NRCAM: variants seen among roughly 807,000 people sequenced by gnomAD.
NRCAM encodes the protein NgCAM-related cell adhesion molecule.
A neutral mutation model predicts 156.5 loss-of-function variants in NRCAM; 83 were observed. The ratio of observed to expected loss-of-function variants is 0.53; its 90% CI spans 0.44 to 0.64. NRCAM has a LOEUF of 0.64. Among genes scored for constraint, NRCAM ranks in the 30% least tolerant of loss-of-function variants. The probability of loss-of-function intolerance (pLI) is 0.00; values close to 1 mark genes in which losing one functional copy is unlikely to be tolerated. For missense variants in NRCAM, 1,417 were observed against 1,597.3 expected (o/e 0.89, Z 1.92); for synonymous variants, 538 against 563.9 (o/e 0.95, Z 0.65).
chr7:108,164,773 G>T (rs1437142343), intron 30 of NRCAM, among the ~76,000 whole-genome samples: 1 of 152,172 alleles, frequency 6.6e-6, no homozygotes, highest in Non-Finnish European at 1.5e-5. Context: ...ATCAATATTT[G>T]TTCTTTTTAA....
intron 1 of NRCAM, among the ~76,000 whole-genome samples, chr7:108,436,910 G>T (rs1276414586): frequency 6.6e-6 from 1 of 152,166 alleles, no homozygotes; most frequent in Non-Finnish European, 1.5e-5. Context: ...CAATCCCACT[G>T]CTGGGTATAT....
chr7:108,252,140 T>G (rs952222033), intron 3 of NRCAM, among the ~76,000 whole-genome samples: 1 of 152,178 alleles, frequency 6.6e-6, no homozygotes, highest in Non-Finnish European at 1.5e-5. Context: ...TAGAGCTGGA[T>G]AGAATAACTG....
At chr7:108,402,003 C>T (rs1036378730) in intron 1 of NRCAM, among the ~76,000 whole-genome samples, 3 of 152,206 alleles carry the variant, frequency 2.0e-5, no homozygotes, top group Non-Finnish European at 2.9e-5. Context: ...TATTCTTACA[C>T]ACACACTTCC....
intron 1 of NRCAM, among the ~76,000 whole-genome samples, chr7:108,407,696 A>G (rs2099810951): frequency 6.6e-6 from 1 of 152,208 alleles, no homozygotes; most frequent in African/African-American, 2.4e-5. Context: ...TTGAGGCTGT[A>G]TTGCAGTAGT....
At chr7:108,299,103 C>CAAAAAA (rs1563162587) in intron 3 of NRCAM, among the ~76,000 whole-genome samples, 1 of 6,058 alleles carries the variant, frequency 1.7e-4, no homozygotes, top group Non-Finnish European at 4.3e-4. Flanking sequence ...AAGACTCCAT[C>CAAAAAA]TCAAAAAAAA....
At position 108,195,766 on chromosome 7, in the gene NRCAM, G is replaced by A. The variant is rs747391115; in HGVS notation, c.1458C>T (p.Ile486=). 6.4e-6 allele frequency: 10 copies of A among 1,568,990 alleles called. No homozygotes were observed. In the East Asian group the frequency reaches 1.8e-4, roughly 28 times the overall value. ...CACACAGAGCTGCTACTTACCACTC[G>A]ATGGTTGGGAGAGGAGACCCAAAGA... ...CAFFGSPLPT[I]EWFKGAKGSA... Residue 486 remains isoleucine (I), a synonymous_variant, in exon 15 of 33, where the codon ATC becomes ATT. Transcript: ENST00000379028.
chr7:108,173,767 T>C (rs2059431566), intron 28 of NRCAM, among the ~76,000 whole-genome samples: 1 of 152,204 alleles, frequency 6.6e-6, no homozygotes, highest in Non-Finnish European at 1.5e-5. Flanking sequence ...TTTGCTTGTC[T>C]CTCTAATCAT....
intron 20 of NRCAM, among the ~76,000 whole-genome samples, chr7:108,185,772 A>G (rs1475978400): frequency 1.3e-5 from 2 of 151,244 alleles, no homozygotes; most frequent in Non-Finnish European, 2.9e-5. Flanking sequence ...TTCCATACGT[A>G]CTGAAATGGA....
At chr7:108,338,182 T>C (rs916385333) in intron 2 of NRCAM, among the ~76,000 whole-genome samples, 4 of 152,264 alleles carry the variant, frequency 2.6e-5, no homozygotes, top group Non-Finnish European at 5.9e-5. Context: ...CAGAAGTCTC[T>C]ACTCAACAGT....
At chr7:108,334,426 C>T (rs1009912023) in intron 2 of NRCAM, among the ~76,000 whole-genome samples, 18 of 152,312 alleles carry the variant, frequency 1.2e-4, no homozygotes, top group African/African-American at 1.7e-4. Context: ...CCCCTACCTA[C>T]GACTCCGAAT....
intron 3 of NRCAM, among the ~76,000 whole-genome samples, chr7:108,278,072 G>A (rs2097708483): frequency 6.6e-6 from 1 of 152,196 alleles, no homozygotes; most frequent in Non-Finnish European, 1.5e-5. Context: ...GAAGGCTGCT[G>A]AACAGCAAGT....
At chr7:108,367,491 T>A (rs926297146) in intron 2 of NRCAM, among the ~76,000 whole-genome samples, 1 of 152,174 alleles carries the variant, frequency 6.6e-6, no homozygotes, top group Non-Finnish European at 1.5e-5. Flanking sequence ...AACATATTTG[T>A]TTTCCTGAAT....
chr7:108,234,455 T>A, intron 6 of NRCAM, 128 bp downstream of exon 6: 1 of 637,762 alleles, frequency 1.6e-6, no homozygotes, highest in African/African-American at 1.8e-5. Context: ...GTGAGAAATA[T>A]CCAACTGAAA....
chr7:108,426,784 C>A (rs1817826494), intron 1 of NRCAM, among the ~76,000 whole-genome samples: 2 of 152,194 alleles, frequency 1.3e-5, no homozygotes, highest in South Asian at 4.1e-4. Flanking sequence ...ACTTCAAAAG[C>A]CATAAATATT....
intron 27 of NRCAM, 53 bp from the exon 28 acceptor site, chr7:108,175,410 C>A: frequency 6.9e-7 from 1 of 1,450,940 alleles, no homozygotes; most frequent in Non-Finnish European, 9.4e-7. Context: ...TGTAACACAC[C>A]CATGAGCATG....
chr7:108,190,722 TTTC>T (rs2070785468), intron 19 of NRCAM, among the ~76,000 whole-genome samples: 1 of 152,212 alleles, frequency 6.6e-6, no homozygotes, highest in Non-Finnish European at 1.5e-5. Flanking sequence ...CCTTTTGGTC[TTTC>T]TTGAGTGATT....
chr7:108,362,424 G>T (rs974472236), intron 2 of NRCAM, among the ~76,000 whole-genome samples: 4 of 152,136 alleles, frequency 2.6e-5, no homozygotes, highest in African/African-American at 9.7e-5. Context: ...GGGTGAATGG[G>T]TAACCAAATT....
chr7:108,170,071 C>T (rs542491193), intron 28 of NRCAM, among the ~76,000 whole-genome samples: 22 of 152,086 alleles, frequency 1.4e-4, no homozygotes, highest in African/African-American at 4.3e-4. Flanking sequence ...ATTATCTCTA[C>T]GAGTATCGAC....
chr7:108,415,047 A>AC (rs1799814169), intron 1 of NRCAM, among the ~76,000 whole-genome samples: 1 of 152,170 alleles, frequency 6.6e-6, no homozygotes, highest in Non-Finnish European at 1.5e-5. Context: ...GAGATGAAAA[A>AC]GAAAAAAAAT....
Sources: gnomAD v4.1 joint callset for allele counts (sites outside exome capture counted in the v4.1 genomes callset) on GRCh38, gnomAD v4.1.1 for gene constraint, MANE v1.5 for transcripts, NCBI Gene and HGNC (gene_info 2026-07-23, HGNC 2026-07-21) for gene names.